Variants in PCGF3 observed in about 807,000 individuals in gnomAD.
PCGF3 encodes the protein polycomb group RING finger protein 3.
Under a neutral mutation model 33.1 loss-of-function variants are expected in PCGF3, and 7 were observed. That is an observed-to-expected ratio of 0.21 (90% CI 0.12 to 0.40). The LOEUF is 0.40. Ranked by LOEUF, PCGF3 falls within the 10% of genes least tolerant of loss-of-function variation. The probability of loss-of-function intolerance (pLI) is 1.00; values close to 1 mark genes in which losing one functional copy is unlikely to be tolerated. For synonymous variants in PCGF3, 153 were observed against 121.3 expected (o/e 1.26, Z -1.72); for missense variants, 211 against 313.3 (o/e 0.67, Z 2.46).
chr4:766,258 AGAG>A, exon 11 of PCGF3: 3 of 589,900 alleles, frequency 5.1e-6, no homozygotes, highest in East Asian at 5.8e-5. Flanking sequence ...CCACGTTTAC[AGAG>A]GATGAAAACA....
intron 1 of PCGF3, among the ~76,000 whole-genome samples, chr4:708,321 C>T (rs1304600907): frequency 3.9e-5 from 6 of 152,252 alleles, no homozygotes; most frequent in Non-Finnish European, 7.4e-5. Flanking sequence ...GACTCCTGAA[C>T]AAGTCACTGA....
At chr4:766,119 C>G (rs1202518786) in exon 11 of PCGF3, 4 of 1,588,178 alleles carry the variant, frequency 2.5e-6, no homozygotes, top group Middle Eastern at 1.7e-4. Flanking sequence ...CCCTCGCACC[C>G]TTGGGTGCTC....
chr4:761,562 G>T, intron 9 of PCGF3, 146 bp downstream of exon 9: 1 of 1,374,456 alleles, frequency 7.3e-7, no homozygotes, highest in East Asian at 2.5e-5. Flanking sequence ...TGCTTCACCG[G>T]GGAGCGGGAT....
At chr4:743,776 A>G in intron 7 of PCGF3, 192 bp downstream of exon 7, 1 of 516,308 alleles carries the variant, frequency 1.9e-6, no homozygotes, top group Non-Finnish European at 3.5e-6. Context: ...ACGTGGGCAG[A>G]GGGGAAAAGC....
At chr4:734,764 C>G in intron 4 of PCGF3, 167 bp from the exon 5 acceptor site, 3 of 1,403,930 alleles carry the variant, frequency 2.1e-6, no homozygotes, top group Non-Finnish European at 2.8e-6. Context: ...CTCCTGAGAC[C>G]AGAACGGCAA....
exon 11 of PCGF3, chr4:767,492 C>G (rs1355295341): frequency 1.3e-5 from 2 of 152,196 alleles, no homozygotes; most frequent in African/African-American, 4.8e-5. Flanking sequence ...TCCTTGGGAG[C>G]CCAGGTGGTC....
At chr4:712,516 CG>C (rs1742617020) in intron 1 of PCGF3, among the ~76,000 whole-genome samples, 1 of 152,198 alleles carries the variant, frequency 6.6e-6, no homozygotes, top group Non-Finnish European at 1.5e-5. Flanking sequence ...GGCGCGATCT[CG>C]GCTCACTGCA....
At chr4:759,998 C>A (rs1156825134) in intron 8 of PCGF3, among the ~76,000 whole-genome samples, 1 of 152,194 alleles carries the variant, frequency 6.6e-6, no homozygotes, top group Non-Finnish European at 1.5e-5. Flanking sequence ...GATCTTCTTC[C>A]CGCTCACATT....
intron 1 of PCGF3, among the ~76,000 whole-genome samples, chr4:725,754 G>A (rs987653599): frequency 4.6e-5 from 7 of 152,134 alleles, no homozygotes; most frequent in African/African-American, 1.7e-4. Flanking sequence ...GGGCTGCTGT[G>A]GGTTCTGCTC....
rs113600723 is a variant in PCGF3 at position 722,665 on chromosome 4, T to G, written c.-189-7965T>G. Among the ~76,000 whole-genome samples the G allele has an allele frequency of 1.3e-4, 10 of 76,330 alleles. 1 individual carries two copies. The highest frequency in any genetic ancestry group is 8.9e-4 in the Admixed American group (6 of 6,750). The allele number at this position is 76,330 out of a possible 152,430, so 50.1% of individuals were successfully genotyped here. A position where few individuals can be genotyped will look rare whatever the true frequency, so the allele number is the denominator to read the frequency against. ...CCGGGTCCACACTCGCGTCATCACC[T>G]GTCTGCGCTGGGTCCACACTCGCGT... On this transcript the variant is annotated intron_variant, in intron 1 of 10. Coordinates refer to ENST00000362003, the Ensembl canonical transcript of PCGF3.
intron 1 of PCGF3, among the ~76,000 whole-genome samples, chr4:716,789 G>A (rs554280179): frequency 3.1e-5 from 4 of 128,394 alleles, no homozygotes; most frequent in African/African-American, 1.2e-4. Context: ...ACTGGGCGTC[G>A]GTGCTGGGAC....
chr4:762,119 C>T (rs1369802639), intron 9 of PCGF3: 2 of 982,928 alleles, frequency 2.0e-6, no homozygotes, highest in African/African-American at 1.8e-5. Flanking sequence ...CAGTGGTGGC[C>T]CCAGAAGATA....
chr4:708,438 T>C (rs1742428058), intron 1 of PCGF3, among the ~76,000 whole-genome samples: 1 of 152,068 alleles, frequency 6.6e-6, no homozygotes, highest in Non-Finnish European at 1.5e-5. Flanking sequence ...ATGCACCTGC[T>C]GTGAAGGCCA....
intron 4 of PCGF3, chr4:734,276 C>G: frequency 6.8e-7 from 1 of 1,465,470 alleles, no homozygotes; most frequent in Non-Finnish European, 9.1e-7. Flanking sequence ...TGCCATCCAT[C>G]AGGCTGAGGC....
chr4:733,715 A>G (rs1743716384), exon 4 of PCGF3: 1 of 1,610,622 alleles, frequency 6.2e-7, no homozygotes, highest in Admixed American at 1.7e-5. Flanking sequence ...TGGGACATCA[A>G]CGCCCACATC....
chr4:751,140 GTTC>G (rs1204385739), intron 8 of PCGF3, among the ~76,000 whole-genome samples: 1 of 152,040 alleles, frequency 6.6e-6, no homozygotes, highest in African/African-American at 2.4e-5. Flanking sequence ...TTCTCTTTCT[GTTC>G]TTCTTGTGGC....
intron 9 of PCGF3, among the ~76,000 whole-genome samples, chr4:763,866 C>A (rs1455180610): frequency 6.6e-6 from 1 of 152,186 alleles, no homozygotes; most frequent in East Asian, 1.9e-4. Context: ...GGACTATTAT[C>A]CAGTACTGAA....
chr4:743,840 G>C (rs1229123424), intron 7 of PCGF3: 3 of 374,850 alleles, frequency 8.0e-6, no homozygotes, highest in African/African-American at 2.1e-5. Context: ...CAGAGGTCAG[G>C]GTTCAGAAGG....
chr4:728,039 A>G (rs886280023), intron 1 of PCGF3, among the ~76,000 whole-genome samples: 2 of 152,162 alleles, frequency 1.3e-5, no homozygotes, highest in African/African-American at 4.8e-5. Context: ...GCTAGTCTCA[A>G]TGCTGGTGAA....
Sources: gnomAD v4.1 joint callset for allele counts (sites outside exome capture counted in the v4.1 genomes callset) on GRCh38, gnomAD v4.1.1 for gene constraint, MANE v1.5 for transcripts, NCBI Gene and HGNC (gene_info 2026-07-23, HGNC 2026-07-21) for gene names.